The following CEP192 variants were observed in gnomAD, a reference collection of about 807,000 sequenced individuals.
CEP192 encodes the protein centrosomal protein of 192 kDa.
CEP192 carries 151 observed loss-of-function variants against 271.8 expected under a neutral mutation model. The observed-to-expected ratio is 0.56, with a 90% confidence interval of 0.49 to 0.64. The LOEUF (loss-of-function observed/expected upper bound fraction) is 0.64. CEP192 is among the 30% of genes least tolerant of loss of function. CEP192 has a pLI of 0.00. For missense variants in CEP192, 2,910 were observed against 3,020.5 expected (o/e 0.96, Z 0.86); for synonymous variants, 995 against 1,076.5 (o/e 0.92, Z 1.48).
At chr18:13,038,893 G>A (rs1275841031) in intron 13 of CEP192, among the ~76,000 whole-genome samples, 1 of 152,200 alleles carries the variant, frequency 6.6e-6, no homozygotes, top group African/African-American at 2.4e-5. Context: ...CATGTAATAA[G>A]TATTTAATAG....
Position 13,091,622 on chromosome 18 carries a change from A to G in CEP192, c.6104-755A>G, listed in dbSNP as rs1322632760. 2.0e-5 allele frequency among the ~76,000 whole-genome samples: 3 copies of G among 152,214 alleles called. No homozygotes were observed. The East Asian group carries it at 5.8e-4, about 29-fold the overall frequency. On this transcript the variant is annotated intron_variant, in intron 33 of 44. Coordinates refer to ENST00000506447, the MANE Select transcript of CEP192 (RefSeq NM_032142.4). ...GTAGTTGATTTAAACTTTTTCAGTC[A>G]GGAGTCTTGCTTAAGTTATAAATTT...
rs1363761272 is a variant in CEP192, at chr18:13,085,992, A to G, written c.5617-1025A>G. ...GAATCTATAAATTACTTTGGGCAGT[A>G]TGGCCATTTTCTCGATATTGAGTCC... is the stretch of plus-strand genomic sequence containing the variant. On this transcript the variant is annotated intron_variant, in intron 30 of 44. Transcript: ENST00000506447. Among the ~76,000 whole-genome samples the G allele has an allele frequency of 2.6e-5, 4 of 152,122 alleles. No homozygotes were observed. In the South Asian group the frequency reaches 8.3e-4, roughly 32 times the overall value.
Position 13,002,847 on chromosome 18 carries a change from C to G in CEP192, c.290+1265C>G, listed in dbSNP as rs1568262804. On this transcript the variant is annotated intron_variant, in intron 3 of 44. Coordinates refer to ENST00000506447, the MANE Select transcript of CEP192 (RefSeq NM_032142.4). The stretch of plus-strand genomic sequence containing the variant: ...AACCTACTTTAATGTCTATTCATTA[C>G]TTATATTTATGTTGTGAATTGCCTC... 2.0e-5 allele frequency among the ~76,000 whole-genome samples: 3 copies of G among 152,082 alleles called. No homozygotes were observed. The South Asian group carries it at 6.2e-4, about 31-fold the overall frequency.
intron 5 of CEP192, among the ~76,000 whole-genome samples, chr18:13,013,572 A>T (rs1005808542): frequency 1.3e-5 from 2 of 152,142 alleles, no homozygotes; most frequent in Admixed American, 6.5e-5. Context: ...GTGGGTTGGG[A>T]TGAGCCTGGA....
intron 21 of CEP192, among the ~76,000 whole-genome samples, chr18:13,060,441 G>A (rs1289710151): frequency 6.6e-6 from 1 of 152,128 alleles, no homozygotes; most frequent in Non-Finnish European, 1.5e-5. Flanking sequence ...CACACTTGGA[G>A]ACATTATAAA....
intron 1 of CEP192, among the ~76,000 whole-genome samples, chr18:12,995,342 G>A (rs61063323): frequency 0.043 from 6,614 of 152,172 alleles, 216 homozygotes; most frequent in East Asian, 0.14. Flanking sequence ...GGGATTACAG[G>A]CGTGAGCCAC....
At chr18:13,058,888 AT>A (rs1458651908) in intron 20 of CEP192, 193 bp from the exon 21 acceptor site, 2 of 580,406 alleles carry the variant, frequency 3.4e-6, no homozygotes, top group African/African-American at 3.7e-5. Flanking sequence ...CAGCAAGAAC[AT>A]TCAACTCAGG....
chr18:13,065,335 C>A (rs1373276260), intron 21 of CEP192, among the ~76,000 whole-genome samples: 1 of 152,110 alleles, frequency 6.6e-6, no homozygotes, highest in Non-Finnish European at 1.5e-5. Context: ...AACCAACTTG[C>A]TCAGAGGTCA....
chr18:13,078,780 C>T (rs2038428708), intron 30 of CEP192, among the ~76,000 whole-genome samples: 1 of 152,118 alleles, frequency 6.6e-6, no homozygotes, highest in Admixed American at 6.5e-5. Context: ...GCTATCCCTT[C>T]CCCTGCCCCC....
intron 15 of CEP192, among the ~76,000 whole-genome samples, chr18:13,045,253 C>G (rs1002821540): frequency 6.6e-6 from 1 of 151,944 alleles, no homozygotes; most frequent in Non-Finnish European, 1.5e-5. Context: ...CTTCTACTTT[C>G]TATGGATTTA....
intron 32 of CEP192, 40 bp downstream of exon 32, chr18:13,087,686 C>A: frequency 1.9e-6 from 2 of 1,037,766 alleles, no homozygotes; most frequent in Non-Finnish European, 2.8e-6. Context: ...AACCATTCAG[C>A]AGAAATAATG....
chr18:13,102,943 C>T (rs1336746890), intron 38 of CEP192, among the ~76,000 whole-genome samples: 2 of 152,146 alleles, frequency 1.3e-5, no homozygotes, highest in Non-Finnish European at 2.9e-5. Context: ...CAAGAGAGGC[C>T]CTACGCCTCC....
intron 21 of CEP192, 79 bp downstream of exon 21, chr18:13,059,391 A>G: frequency 1.6e-6 from 2 of 1,244,668 alleles, no homozygotes; most frequent in African/African-American, 1.5e-5. Context: ...AAATTTGGGA[A>G]AAAGAAATTT....
At chr18:13,101,422 C>T (rs368856499) in intron 38 of CEP192, among the ~76,000 whole-genome samples, 6 of 152,068 alleles carry the variant, frequency 3.9e-5, no homozygotes, top group African/African-American at 1.4e-4. Context: ...CATTCGTGTT[C>T]AGTAATGGTG....
chr18:13,057,892 T>C, intron 20 of CEP192, 159 bp downstream of exon 20: 1 of 503,734 alleles, frequency 2.0e-6, no homozygotes, highest in Non-Finnish European at 3.4e-6. Context: ...GTTGTAGTGC[T>C]TGTAGAGTGT....
intron 3 of CEP192, among the ~76,000 whole-genome samples, chr18:13,007,297 G>A (rs1013515391): frequency 4.5e-4 from 69 of 152,272 alleles, no homozygotes; most frequent in African/African-American, 1.7e-3. Context: ...TGAAACTTAT[G>A]ACTTAGTTTG....
intron 7 of CEP192, among the ~76,000 whole-genome samples, chr18:13,018,123 C>T (rs941038714): frequency 4.6e-5 from 7 of 152,148 alleles, no homozygotes; most frequent in Admixed American, 1.3e-4. Flanking sequence ...TGCCCTACAC[C>T]GGGAGACGTT....
rs536932659 is a variant in CEP192 at position 13,030,534 on chromosome 18, A to G, written c.1460A>G (p.Tyr487Cys). Residue 487 changes from tyrosine to cysteine, a missense_variant, in exon 11 of 45, where the codon TAC becomes TGC. Coordinates refer to ENST00000506447, the MANE Select transcript of CEP192 (RefSeq NM_032142.4). ...AGGTGGGTCACAGACCTTGCCTATT[A>G]CACATCTTTTAATAGCAAACAAAAT... is the stretch of plus-strand genomic sequence containing the variant. ...EGRWVTDLAY[Y>C]TSFNSKQNLN... 2.5e-6 allele frequency: 4 copies of G among 1,611,944 alleles called. No homozygotes were observed. Among genetic ancestry groups the G allele is most frequent in the Admixed American group, 1.7e-5 (1 of 60,012 alleles).
chr18:13,024,867 T>G (rs1026728876), intron 9 of CEP192, among the ~76,000 whole-genome samples: 28 of 152,208 alleles, frequency 1.8e-4, no homozygotes, highest in African/African-American at 6.3e-4. Context: ...CCTCCTGAGT[T>G]CAAGCAATTC....
Sources: gnomAD v4.1 joint callset for allele counts (sites outside exome capture counted in the v4.1 genomes callset) on GRCh38, gnomAD v4.1.1 for gene constraint, MANE v1.5 for transcripts, NCBI Gene and HGNC (gene_info 2026-07-23, HGNC 2026-07-21) for gene names.